GPR139: variants seen among roughly 807,000 people sequenced by gnomAD.
GPR139 encodes the protein G protein-coupled receptor 139.
In GPR139, 12 loss-of-function variants were observed where a neutral mutation model predicts 25.8. That is an observed-to-expected ratio of 0.47 (90% CI 0.30 to 0.75). The LOEUF is 0.75. Among genes scored for constraint, GPR139 ranks in the 30% least tolerant of loss-of-function variants. The pLI is 0.07. For synonymous variants in GPR139, 184 were observed against 179.9 expected, an observed-to-expected ratio of 1.02 and a Z score of -0.18; for missense variants, 380 against 450.2, an observed-to-expected ratio of 0.84 and a Z score of 1.41.
At position 20,032,614 on chromosome 16, in the gene GPR139, G is replaced by A. The variant is rs1335454005; in HGVS notation, c.183C>T (p.Ser61=). The A allele has an allele frequency of 6.2e-7, 1 of 1,612,734 alleles. No homozygotes were observed. Among genetic ancestry groups the A allele is most frequent in the Non-Finnish European group, 8.5e-7 (1 of 1,178,758 alleles). ...CGAGTGCCAAGAGATAGTTGTAGGA[G>A]GACTTCTGTCTTCTTGCCACCAGCT... is the stretch of plus-strand genomic sequence containing the variant. The part of the protein sequence containing the change: ...LSQLVARRQK[S]SYNYLLALAA... The change falls in exon 2 of 2, where the codon TCC becomes TCT. Residue 61 remains serine, a synonymous_variant. Transcript: ENST00000570682.
At chr16:20,060,107 C>A (rs1030349816) in intron 1 of GPR139, among the ~76,000 whole-genome samples, 1 of 152,152 alleles carries the variant, frequency 6.6e-6, no homozygotes, top group African/African-American at 2.4e-5. Flanking sequence ...GAAGACACTG[C>A]TTTCTTTCAG....
intron 1 of GPR139, among the ~76,000 whole-genome samples, chr16:20,051,253 G>T (rs192405137): frequency 1.1e-4 from 17 of 152,300 alleles, no homozygotes; most frequent in Admixed American, 7.8e-4. Flanking sequence ...TTTTACAAGA[G>T]ACAGCAGAAA....
chr16:20,069,176 G>A (rs1443446220), intron 1 of GPR139, among the ~76,000 whole-genome samples: 2 of 152,146 alleles, frequency 1.3e-5, no homozygotes, highest in Admixed American at 6.5e-5. Flanking sequence ...AAAAAATAAC[G>A]TATAGAGTGC....
chr16:20,037,041 G>T (rs186644075), intron 1 of GPR139, among the ~76,000 whole-genome samples: 1 of 152,228 alleles, frequency 6.6e-6, no homozygotes, highest in Admixed American at 6.5e-5. Context: ...AAACAGACAC[G>T]CAAATGCACA....
At chr16:20,037,319 G>T (rs1304969815) in intron 1 of GPR139, among the ~76,000 whole-genome samples, 2 of 152,062 alleles carry the variant, frequency 1.3e-5, no homozygotes, top group Non-Finnish European at 2.9e-5. Flanking sequence ...AGGCGTGGTG[G>T]TGGGTGCCTA....
chr16:20,040,934 C>T (rs2057327493), intron 1 of GPR139, among the ~76,000 whole-genome samples: 1 of 151,758 alleles, frequency 6.6e-6, no homozygotes, highest in Admixed American at 6.6e-5. Flanking sequence ...TTCTACAAAT[C>T]CTAGTTCTCT....
intron 1 of GPR139, among the ~76,000 whole-genome samples, chr16:20,044,918 T>C (rs2141206041): frequency 6.6e-6 from 1 of 151,946 alleles, no homozygotes; most frequent in East Asian, 1.9e-4. Flanking sequence ...GCAAGGCTGG[T>C]ACATTTAACA....
intron 1 of GPR139, among the ~76,000 whole-genome samples, chr16:20,058,291 A>C (rs1454182333): frequency 6.6e-6 from 1 of 152,046 alleles, no homozygotes; most frequent in Non-Finnish European, 1.5e-5. Context: ...GAATGGCTGG[A>C]GAGGAGATAA....
At position 20,073,350 on chromosome 16, in the gene GPR139, A is replaced by C. The variant is rs1356937583; in HGVS notation, c.127+140T>G. ...GCAACTTCCTTTCCCCCCGTGTGGAAATATCCATAGTTGCCCTTAAAGCTT... is the reference window on the plus strand; with the variant it reads ...GCAACTTCCTTTCCCCCCGTGTGGACATATCCATAGTTGCCCTTAAAGCTT... On this transcript the variant is annotated intron_variant, in intron 1 of 1. Transcript: ENST00000570682. The surrounding 1 kb of genome is among the most constrained non-coding windows in gnomAD (Gnocchi z 4.7). 7.9e-7 allele frequency: 1 copy of C among 1,259,268 alleles called. No individual in the cohort carries two copies. Among genetic ancestry groups the C allele is most frequent in the Non-Finnish European group, 1.1e-6 (1 of 904,966 alleles). 78.0% of individuals were successfully genotyped at this position (1,259,268 alleles called of 1,614,324 possible). A position where few individuals can be genotyped will look rare whatever the true frequency, so the allele number is the denominator to read the frequency against.
chr16:20,065,691 T>C (rs1237044651), intron 1 of GPR139, among the ~76,000 whole-genome samples: 6 of 152,086 alleles, frequency 3.9e-5, no homozygotes, highest in South Asian at 4.2e-4. Flanking sequence ...GCCAAAATGG[T>C]GAAACCCCAT....
In GPR139 at chr16:20,073,252, TCACACACA is replaced by T. The variant is rs71146300; in HGVS notation, c.127+230_127+237del. On this transcript the variant is annotated intron_variant, in intron 1 of 1. Transcript: ENST00000570682. This position sits in a 1 kb window ranked among gnomAD's most constrained non-coding sequence, Gnocchi z 4.7. ...AGCCCATCGCCCGCCGTCACAGTCA[TCACACACA>T]CACACACACACACACACACGCTCGC... Among the ~76,000 whole-genome samples the T allele has an allele frequency of 9.5e-5, 14 of 147,194 alleles. No homozygotes were observed. The highest frequency in any genetic ancestry group is 1.5e-4 in the Non-Finnish European group (10 of 66,634).
intron 1 of GPR139, among the ~76,000 whole-genome samples, chr16:20,054,593 C>G (rs536543136): frequency 1.2e-3 from 180 of 151,614 alleles, no homozygotes; most frequent in Non-Finnish European, 2.3e-3. Flanking sequence ...TTTTTTTTAA[C>G]TTTTATTTTA....
intron 1 of GPR139, among the ~76,000 whole-genome samples, chr16:20,069,836 T>A (rs566372646): frequency 6.6e-6 from 1 of 152,354 alleles, no homozygotes; most frequent in South Asian, 2.1e-4. Context: ...TGCATTGCTG[T>A]CTCTTTTGTA....
chr16:20,041,320 A>G (rs8062741), intron 1 of GPR139, among the ~76,000 whole-genome samples: 88,257 of 116,558 alleles, frequency 0.76, 35,874 homozygotes, highest in Non-Finnish European at 0.91. Flanking sequence ...GTCAGCGCTT[A>G]TGTTATGCAG....
chr16:20,053,914 A>G (rs942136923), intron 1 of GPR139, among the ~76,000 whole-genome samples: 3 of 152,154 alleles, frequency 2.0e-5, no homozygotes, highest in African/African-American at 7.2e-5. Flanking sequence ...TATCAATTAC[A>G]CAACCAGGTT....
At chr16:20,057,050 G>T (rs1004485910) in intron 1 of GPR139, among the ~76,000 whole-genome samples, 1 of 152,198 alleles carries the variant, frequency 6.6e-6, no homozygotes, top group Non-Finnish European at 1.5e-5. Context: ...CCTTGAAACA[G>T]CTGCAAAGAC....
intron 1 of GPR139, among the ~76,000 whole-genome samples, chr16:20,038,821 A>G (rs1479249219): frequency 6.6e-6 from 1 of 152,230 alleles, no homozygotes; most frequent in Non-Finnish European, 1.5e-5. Flanking sequence ...CCCATATTTA[A>G]AATTTCTTTC....
intron 1 of GPR139, among the ~76,000 whole-genome samples, chr16:20,057,719 C>A (rs544646291): frequency 6.6e-6 from 1 of 152,240 alleles, no homozygotes; most frequent in South Asian, 2.1e-4. Flanking sequence ...AGACTCCATG[C>A]CTACTGTCAA....
intron 1 of GPR139, among the ~76,000 whole-genome samples, chr16:20,048,314 C>A (rs1282070367): frequency 1.3e-5 from 2 of 152,098 alleles, no homozygotes; most frequent in Non-Finnish European, 2.9e-5. Context: ...CCAGAATCTT[C>A]CACATAAATC....
Sources: allele counts gnomAD v4.1 joint callset (sites outside exome capture counted in the v4.1 genomes callset), GRCh38; gene constraint gnomAD v4.1.1; non-coding constraint Gnocchi (gnomAD v3.1); transcripts MANE v1.5; gene names NCBI Gene and HGNC (gene_info 2026-07-23, HGNC 2026-07-21).